MYO1B: variants seen among roughly 807,000 people sequenced by gnomAD.
MYO1B encodes myosin IB, also known as unconventional myosin-Ib.
Under a neutral mutation model 159.7 loss-of-function variants are expected in MYO1B, and 72 were observed. The observed-to-expected ratio is 0.45, with a 90% CI of 0.37 to 0.55. The LOEUF is 0.55. MYO1B is among the 20% of genes least tolerant of loss of function. The pLI is 0.00. For synonymous variants in MYO1B, 468 were observed against 473.8 expected, an observed-to-expected ratio of 0.99 and a Z score of 0.16; for missense variants, 1,062 against 1,364.8, an observed-to-expected ratio of 0.78 and a Z score of 3.50.
chr2:191,335,645 A>G (rs1232879980), intron 4 of MYO1B, among the ~76,000 whole-genome samples: 2 of 152,178 alleles, frequency 1.3e-5, no homozygotes, highest in African/African-American at 4.8e-5. Context: ...ATGAAAGAAG[A>G]TGATTAACAT....
At chr2:191,278,038 C>G (rs1404944926) in intron 2 of MYO1B, among the ~76,000 whole-genome samples, 2 of 152,290 alleles carry the variant, frequency 1.3e-5, no homozygotes, top group African/African-American at 4.8e-5. Flanking sequence ...AAATTATGAG[C>G]TATATTATTT....
chr2:191,306,548 G>A (rs1023894694), intron 3 of MYO1B, among the ~76,000 whole-genome samples: 2 of 152,164 alleles, frequency 1.3e-5, no homozygotes, highest in South Asian at 2.1e-4. Context: ...GAAACTCAAC[G>A]AGAGGTTTAG....
At chr2:191,326,771 T>TAC (rs1491306809) in intron 3 of MYO1B, among the ~76,000 whole-genome samples, 6 of 13,908 alleles carry the variant, frequency 4.3e-4, no homozygotes, top group African/African-American at 2.1e-3. Context: ...TTTGTATATA[T>TAC]GTGTGTGTGT....
At chr2:191,336,527 A>G (rs1380222919) in intron 4 of MYO1B, among the ~76,000 whole-genome samples, 1 of 152,166 alleles carries the variant, frequency 6.6e-6, no homozygotes, top group African/African-American at 2.4e-5. Flanking sequence ...CTTTCAGAAG[A>G]GGATGACATA....
At chr2:191,347,656 A>G (rs1692653074) in intron 6 of MYO1B, among the ~76,000 whole-genome samples, 1 of 152,232 alleles carries the variant, frequency 6.6e-6, no homozygotes, top group Non-Finnish European at 1.5e-5. Context: ...CTATTATAAC[A>G]CGGGTATTAG....
intron 3 of MYO1B, among the ~76,000 whole-genome samples, chr2:191,311,615 T>C (rs1032600247): frequency 2.0e-5 from 3 of 152,214 alleles, no homozygotes; most frequent in Non-Finnish European, 4.4e-5. Flanking sequence ...TTGGCCGTTA[T>C]TAATAGCAGA....
In MYO1B at chr2:191,362,322, C is replaced by T. The variant is rs1165625762; in HGVS notation, c.716C>T (p.Ser239Leu). Residue 239 changes from serine to leucine, a missense_variant, in exon 9 of 31, where the codon TCG becomes TTG. Physicochemically the swap from Ser to Leu is moderately radical, Grantham distance 145. Around this residue, in one of 5 missense-constraint regions of MYO1B, gnomAD observed 415 missense variants for 544.0 expected, o/e 0.76. Coordinates refer to ENST00000392318, the MANE Select transcript of MYO1B (RefSeq NM_001130158.3). ...AGGTATAACTACCTGAGTCTGGATTCGGCCAAAGTGAATGGAGTGGATGAT... is the reference window on the plus strand; with the variant it reads ...AGGTATAACTACCTGAGTCTGGATTTGGCCAAAGTGAATGGAGTGGATGAT... ...FSRYNYLSLD[S>L]AKVNGVDDAA... 23 of 1,613,734 alleles carry T rather than the reference C, an allele frequency of 1.4e-5. No homozygotes were observed. The highest frequency in any genetic ancestry group is 2.2e-5 in the South Asian group (2 of 91,056).
At chr2:191,417,346 T>C (rs1697640824) in intron 30 of MYO1B, among the ~76,000 whole-genome samples, 1 of 152,238 alleles carries the variant, frequency 6.6e-6, no homozygotes, top group Non-Finnish European at 1.5e-5. Context: ...GTTAATGAGA[T>C]CTTTCTCATA....
Position 191,400,807 on chromosome 2 carries a change from T to C in MYO1B, c.2441T>C (p.Val814Ala). The change falls in exon 23 of 31, where the codon GTT (valine) becomes GCT (alanine). Residue 814 changes from valine (V) to alanine (A), a missense_variant. By Grantham distance (64) the Val-to-Ala change is moderately conservative. This residue lies in a region of MYO1B where 609 missense variants were observed against 744.4 expected (regional missense o/e 0.82). Coordinates refer to ENST00000392318, the MANE Select transcript of MYO1B (RefSeq NM_001130158.3). ...GCTAGGAATAAACATGCTATTGCAG[T>C]TATTTGGGCTTACTGGCTTGGATCT... ...EEARNKHAIA[V>A]IWAYWLGSKA... 1.3e-5 allele frequency: 21 copies of C among 1,613,926 alleles called. No homozygotes were observed. The highest frequency in any genetic ancestry group is 3.3e-4 in the Middle Eastern group (2 of 6,062).
chr2:191,379,050 C>T (rs895112763), intron 13 of MYO1B, among the ~76,000 whole-genome samples: 3 of 152,194 alleles, frequency 2.0e-5, no homozygotes, highest in African/African-American at 4.8e-5. Context: ...TAGCAAACCA[C>T]AGTTCAGACA....
intron 6 of MYO1B, 100 bp downstream of exon 6, chr2:191,346,382 A>T (rs1370414958): frequency 4.2e-6 from 3 of 722,006 alleles, no homozygotes; most frequent in Non-Finnish European, 6.3e-6. Flanking sequence ...ACACATTTTT[A>T]AAATAAGAGG....
At chr2:191,358,698 C>G (rs181169573) in intron 7 of MYO1B, among the ~76,000 whole-genome samples, 5 of 152,314 alleles carry the variant, frequency 3.3e-5, no homozygotes, top group Middle Eastern at 3.4e-3. Flanking sequence ...GAAGTGCTGC[C>G]AAACAATCGC....
At chr2:191,318,127 A>G (rs985522089) in intron 3 of MYO1B, among the ~76,000 whole-genome samples, 43 of 152,160 alleles carry the variant, frequency 2.8e-4, no homozygotes, top group African/African-American at 8.9e-4. Flanking sequence ...TTAAAACACA[A>G]CATATTACAC....
chr2:191,405,038 C>G (rs555466997), intron 24 of MYO1B, among the ~76,000 whole-genome samples: 38 of 152,314 alleles, frequency 2.5e-4, no homozygotes, highest in African/African-American at 9.1e-4. Flanking sequence ...CAGTGTAGAA[C>G]TTCTTTCAAA....
rs1410785520 is a variant in MYO1B at position 191,423,935 on chromosome 2, G to A, written c.3386G>A (p.Arg1129His). ...CCAACATGTAAACGAAAAAACAACC[G>A]TCTCCTTGAAGTTGCTGTCCCTTAA... is the stretch of plus-strand genomic sequence containing the variant. ...SVPTCKRKNN[R>H]LLEVAVP The change falls in exon 31 of 31, where the codon CGT becomes CAT. Residue 1129 changes from arginine to histidine, a missense_variant. By Grantham distance (29) the Arg-to-His change is conservative (BLOSUM62 0). This residue lies in a region of MYO1B where 609 missense variants were observed against 744.4 expected (regional missense o/e 0.82). Transcript: ENST00000392318. The A allele has an allele frequency of 6.2e-6, 10 of 1,613,646 alleles. No homozygotes were observed. Among genetic ancestry groups the A allele is most frequent in the South Asian group, 1.1e-5 (1 of 91,018 alleles).
chr2:191,281,003 T>C lies in MYO1B; in HGVS notation c.135+3973T>C, dbSNP rs192578614. The stretch of plus-strand genomic sequence containing the variant: ...TTCCCCCAGGAACTCTGGAGCATGG[T>C]CGAAGTCCTGCTTCAGGGAAATTTT... On this transcript the variant is annotated intron_variant, in intron 2 of 30. Coordinates refer to ENST00000392318, the MANE Select transcript of MYO1B (RefSeq NM_001130158.3). Among the ~76,000 whole-genome samples, 36 of 152,348 alleles carry C rather than the reference T, an allele frequency of 2.4e-4. No individual in the cohort carries two copies. The East Asian group carries it at 6.2e-3, about 26-fold the overall frequency.
intron 24 of MYO1B, 89 bp downstream of exon 24, chr2:191,402,807 C>A: frequency 1.0e-6 from 1 of 990,752 alleles, no homozygotes; most frequent in Non-Finnish European, 1.5e-6. Context: ...ATTATGCTTG[C>A]TGATGGTCTG....
intron 3 of MYO1B, among the ~76,000 whole-genome samples, chr2:191,323,824 T>C (rs552360942): frequency 7.6e-4 from 116 of 152,278 alleles, no homozygotes; most frequent in African/African-American, 2.7e-3. Context: ...TTTCCGGTTA[T>C]GTAGCCAAAG....
intron 3 of MYO1B, among the ~76,000 whole-genome samples, chr2:191,325,723 A>C (rs1691014323): frequency 6.6e-6 from 1 of 152,180 alleles, no homozygotes; most frequent in Non-Finnish European, 1.5e-5. Context: ...ATTGTGTCTG[A>C]TGGCCATGAA....
Sources: gnomAD v4.1 joint callset for allele counts (sites outside exome capture counted in the v4.1 genomes callset) on GRCh38, gnomAD v4.1.1 for gene constraint, gnomAD v4.1.1 regional missense constraint, MANE v1.5 for transcripts, NCBI Gene and HGNC (gene_info 2026-07-23, HGNC 2026-07-21) for gene names.